Variants in NCALD observed in about 807,000 individuals in gnomAD.
NCALD encodes neurocalcin delta, also known as neurocalcin-delta.
In NCALD, 10 loss-of-function variants were observed where a neutral mutation model predicts 18.6. The observed-to-expected ratio is 0.54, with a 90% CI of 0.33 to 0.91. The LOEUF is 0.91. NCALD is among the 40% of genes least tolerant of loss of function. The pLI is 0.03. For missense variants in NCALD, 184 were observed against 247.6 expected, an observed-to-expected ratio of 0.74 and a Z score of 1.72; for synonymous variants, 88 against 87.4, an observed-to-expected ratio of 1.01 and a Z score of -0.04.
At chr8:101,838,649 C>A (rs1289978329) in intron 4 of NCALD, among the ~76,000 whole-genome samples, 1 of 152,176 alleles carries the variant, frequency 6.6e-6, no homozygotes, top group East Asian at 1.9e-4. Context: ...CCAAGTAAAC[C>A]TGCATTCAAT....
At chr8:101,756,602 A>G (rs1336247171) in intron 1 of NCALD, among the ~76,000 whole-genome samples, 1 of 152,240 alleles carries the variant, frequency 6.6e-6, no homozygotes, top group Non-Finnish European at 1.5e-5. Context: ...AAGAGGAGGA[A>G]AAAGAACAAG....
intron 3 of NCALD, among the ~76,000 whole-genome samples, chr8:101,894,735 C>G (rs1025045623): frequency 6.6e-6 from 1 of 151,320 alleles, no homozygotes; most frequent in Non-Finnish European, 1.5e-5. Flanking sequence ...CTACAAACAC[C>G]TCTACGGAAA....
chr8:101,832,896 C>G (rs569936229), intron 4 of NCALD, among the ~76,000 whole-genome samples: 1 of 152,190 alleles, frequency 6.6e-6, no homozygotes, highest in Non-Finnish European at 1.5e-5. Context: ...CCCTGTCTGT[C>G]CACCAGGCAA....
chr8:102,107,035 T>A (rs1234227056), intron 1 of NCALD, among the ~76,000 whole-genome samples: 1 of 151,700 alleles, frequency 6.6e-6, no homozygotes, highest in African/African-American at 2.4e-5. Flanking sequence ...ACAGACTTTG[T>A]CCCTTTCCAA....
chr8:101,977,825 A>T (rs1447841283), intron 2 of NCALD, among the ~76,000 whole-genome samples: 2 of 152,082 alleles, frequency 1.3e-5, no homozygotes, highest in African/African-American at 2.4e-5. Context: ...TTAGATTTTT[A>T]TCCTAGCTCA....
intron 4 of NCALD, among the ~76,000 whole-genome samples, chr8:101,879,673 G>A (rs1220423111): frequency 6.6e-6 from 1 of 152,102 alleles, no homozygotes; most frequent in Non-Finnish European, 1.5e-5. Context: ...GAGCTGATTG[G>A]TCTGTTTTAC....
chr8:101,923,629 A>G (rs1818241816), intron 2 of NCALD, among the ~76,000 whole-genome samples: 1 of 152,232 alleles, frequency 6.6e-6, no homozygotes, highest in African/African-American at 2.4e-5. Flanking sequence ...AGTAGCCTGG[A>G]GAGAATCCTT....
intron 2 of NCALD, among the ~76,000 whole-genome samples, chr8:101,710,844 C>G (rs188858208): frequency 2.0e-5 from 3 of 152,370 alleles, no homozygotes; most frequent in South Asian, 4.1e-4. Context: ...GCAGCTTCAG[C>G]AGACTTAAAC....
intron 4 of NCALD, among the ~76,000 whole-genome samples, chr8:101,796,611 C>G (rs545936102): frequency 6.6e-6 from 1 of 152,032 alleles, no homozygotes; most frequent in African/African-American, 2.4e-5. Flanking sequence ...AGAGACAGAT[C>G]AGCAGACAAT....
intron 2 of NCALD, among the ~76,000 whole-genome samples, chr8:101,999,422 G>T (rs540334199): frequency 1.3e-5 from 2 of 152,318 alleles, no homozygotes; most frequent in South Asian, 4.1e-4. Context: ...CTCAGGAATG[G>T]AAAACCAAAC....
intron 1 of NCALD, among the ~76,000 whole-genome samples, chr8:101,763,307 C>A (rs1811191121): frequency 6.6e-6 from 1 of 152,110 alleles, no homozygotes; most frequent in Non-Finnish European, 1.5e-5. Context: ...ATGCAAGTGG[C>A]AAGCTATGGT....
chr8:101,774,392 GA>G (rs1170585974), intron 1 of NCALD, among the ~76,000 whole-genome samples: 1 of 152,070 alleles, frequency 6.6e-6, no homozygotes, highest in African/African-American at 2.4e-5. Context: ...TCTTAAAATA[GA>G]AACTTCCCTT....
intron 4 of NCALD, among the ~76,000 whole-genome samples, chr8:101,857,466 C>T (rs1455460363): frequency 6.6e-6 from 1 of 152,196 alleles, no homozygotes; most frequent in Non-Finnish European, 1.5e-5. Context: ...GTTTAGTCTT[C>T]AAGCATAAAG....
At chr8:102,056,512 C>T (rs754837425) in intron 1 of NCALD, among the ~76,000 whole-genome samples, 15 of 152,344 alleles carry the variant, frequency 9.8e-5, no homozygotes, top group Middle Eastern at 3.4e-3. Flanking sequence ...GGTGGATACA[C>T]GATTGAACAA....
Position 101,814,746 on chromosome 8 carries a change from G to A in NCALD, c.-20+72395C>T, listed in dbSNP as rs1298162427. The stretch of plus-strand genomic sequence containing the variant: ...TCAAAAAACTCCTGTACTAATAAGG[G>A]ATTATAGCAAGGTTGCAGGATACAA... On this transcript the variant is annotated intron_variant, in intron 4 of 6. Coordinates refer to the NCALD transcript ENST00000311028. Among the ~76,000 whole-genome samples, 4 of 152,024 alleles carry A rather than the reference G, an allele frequency of 2.6e-5. No homozygotes were observed. The East Asian group carries it at 7.7e-4, about 29-fold the overall frequency.
intron 2 of NCALD, among the ~76,000 whole-genome samples, chr8:101,932,864 T>C (rs1427177324): frequency 6.6e-6 from 1 of 152,208 alleles, no homozygotes; most frequent in African/African-American, 2.4e-5. Flanking sequence ...GTCAAGTATA[T>C]ATAAATTATA....
intron 1 of NCALD, among the ~76,000 whole-genome samples, chr8:102,062,805 T>C (rs1823890013): frequency 6.6e-6 from 1 of 152,170 alleles, no homozygotes; most frequent in Non-Finnish European, 1.5e-5. Flanking sequence ...CAAGCTCTTA[T>C]AAAGCCTCTG....
chr8:102,008,765 A>G (rs1821797545), intron 2 of NCALD, among the ~76,000 whole-genome samples: 1 of 152,168 alleles, frequency 6.6e-6, no homozygotes, highest in South Asian at 2.1e-4. Context: ...AATTCAGTGT[A>G]GAAGTAACTG....
intron 1 of NCALD, among the ~76,000 whole-genome samples, chr8:101,765,660 G>A (rs1811318021): frequency 6.6e-6 from 1 of 152,128 alleles, no homozygotes; most frequent in African/African-American, 2.4e-5. Flanking sequence ...AGTAGGAAGG[G>A]GGAGAGAAAG....
Sources: gnomAD v4.1 joint callset for allele counts (sites outside exome capture counted in the v4.1 genomes callset) on GRCh38, gnomAD v4.1.1 for gene constraint, MANE v1.5 for transcripts, NCBI Gene and HGNC (gene_info 2026-07-23, HGNC 2026-07-21) for gene names.